The following R3HDM2 variants were observed in gnomAD, a reference collection of about 807,000 sequenced individuals.
R3HDM2 encodes the protein R3H domain containing 2, also known as R3H domain-containing protein 2.
R3HDM2 carries 38 observed loss-of-function variants against 124.5 expected under a neutral mutation model. The ratio of observed to expected loss-of-function variants is 0.31; its 90% CI spans 0.24 to 0.40. R3HDM2 has a LOEUF of 0.40. R3HDM2 is among the 10% of genes least tolerant of loss of function. R3HDM2 has a pLI of 1.00. For synonymous variants in R3HDM2, 391 were observed against 448.0 expected, an observed-to-expected ratio of 0.87 and a Z score of 1.61; for missense variants, 869 against 1,236.9, an observed-to-expected ratio of 0.70 and a Z score of 4.46.
chr12:57,398,258 T>A (rs925825247), intron 1 of R3HDM2, among the ~76,000 whole-genome samples: 11 of 152,124 alleles, frequency 7.2e-5, no homozygotes, highest in African/African-American at 2.7e-4. Context: ...TGTTCGTATC[T>A]GTACCTGCAA....
intron 2 of R3HDM2, among the ~76,000 whole-genome samples, chr12:57,333,061 T>A (rs142765991): frequency 6.6e-6 from 1 of 152,336 alleles, no homozygotes; most frequent in Admixed American, 6.5e-5. Flanking sequence ...TTACAAGATC[T>A]AGAGAGGGAA....
intron 14 of R3HDM2, among the ~76,000 whole-genome samples, chr12:57,273,323 GT>G (rs1163383986): frequency 9.2e-5 from 14 of 152,242 alleles, no homozygotes; most frequent in Non-Finnish European, 1.9e-4. Context: ...AGGAGGATTT[GT>G]TTACTAGGAA....
chr12:57,337,739 G>C (rs1417167914), intron 2 of R3HDM2, among the ~76,000 whole-genome samples: 1 of 152,068 alleles, frequency 6.6e-6, no homozygotes, highest in South Asian at 2.1e-4. Flanking sequence ...AGGACAAGAA[G>C]GTGCATGAAG....
intron 2 of R3HDM2, among the ~76,000 whole-genome samples, chr12:57,328,372 T>C (rs566253466): frequency 1.3e-4 from 20 of 151,888 alleles, no homozygotes; most frequent in African/African-American, 4.6e-4. Flanking sequence ...AGTTGTCTTA[T>C]CTTAAGAAAT....
intron 2 of R3HDM2, among the ~76,000 whole-genome samples, chr12:57,373,962 T>C (rs1187985778): frequency 6.6e-6 from 1 of 151,606 alleles, no homozygotes; most frequent in Non-Finnish European, 1.5e-5. Context: ...ACCCCGCCTC[T>C]ACTAAAAACA....
intron 2 of R3HDM2, among the ~76,000 whole-genome samples, chr12:57,384,220 G>C (rs907033162): frequency 6.6e-6 from 1 of 152,092 alleles, no homozygotes; most frequent in Non-Finnish European, 1.5e-5. Flanking sequence ...CGGGCACGGT[G>C]GTGGGCGCCT....
chr12:57,279,902 CTT>C (rs1431377530), intron 14 of R3HDM2, among the ~76,000 whole-genome samples: 1 of 152,018 alleles, frequency 6.6e-6, no homozygotes, highest in Non-Finnish European at 1.5e-5. Flanking sequence ...TGGAAGGGGT[CTT>C]GAGTGTTATT....
At chr12:57,261,106 G>A (rs1370736989) in intron 19 of R3HDM2, among the ~76,000 whole-genome samples, 1 of 152,134 alleles carries the variant, frequency 6.6e-6, no homozygotes, top group African/African-American at 2.4e-5. Flanking sequence ...GGAGTGTCAT[G>A]CATTTAACAA....
intron 2 of R3HDM2, among the ~76,000 whole-genome samples, chr12:57,324,978 A>G (rs1322837717): frequency 6.6e-6 from 1 of 152,242 alleles, no homozygotes; most frequent in East Asian, 1.9e-4. Flanking sequence ...CACCAGAGGC[A>G]TGGTGCCCAC....
intron 5 of R3HDM2, 83 bp from the exon 6 acceptor site, chr12:57,299,561 C>T: frequency 7.4e-7 from 1 of 1,353,176 alleles, no homozygotes. Context: ...GAAGGTAAAT[C>T]TTGGGGTGGC....
chr12:57,354,462 T>G (rs2061030335), intron 2 of R3HDM2, among the ~76,000 whole-genome samples: 1 of 151,696 alleles, frequency 6.6e-6, no homozygotes, highest in Non-Finnish European at 1.5e-5. Flanking sequence ...CCAGCTAATT[T>G]TTTGTATTTT....
intron 2 of R3HDM2, among the ~76,000 whole-genome samples, chr12:57,335,420 C>T (rs190633044): frequency 6.6e-6 from 1 of 150,892 alleles, no homozygotes; most frequent in Admixed American, 6.6e-5. Context: ...GTTGGCCAGG[C>T]TGGCCTCAAA....
chr12:57,255,104 C>T lies in R3HDM2; in HGVS notation c.2642G>A (p.Arg881Gln), dbSNP rs969367811. Residue 881 changes from arginine (R) to glutamine (Q), a missense_variant, in exon 24 of 24, where the codon CGG becomes CAG. Arg to Gln is a conservative substitution (Grantham distance 43). Around this residue, in one of 2 missense-constraint regions of R3HDM2, gnomAD observed 602 missense variants for 789.2 expected, o/e 0.76. Transcript: ENST00000402412. The part of the protein sequence containing the change: ...DLGTADVVLG[R>Q]VLEVTDLPEG... ...AGGGAGATCTGTCACCTCCAGCACC[C>T]GCCCCAGGACTGGAAGGGGAGGAGA... The T allele has an allele frequency of 1.1e-5, 18 of 1,582,126 alleles. No homozygotes were observed. The highest frequency in any genetic ancestry group is 2.2e-5 in the East Asian group (1 of 44,624).
In R3HDM2 at chr12:57,377,221, C is replaced by T. The variant is rs142845607; in HGVS notation, c.-36+18528G>A. On this transcript the variant is annotated intron_variant, in intron 2 of 23. Transcript: ENST00000402412. ...TAAAACCATGCCCCAAAAACTTAAACCAGTAACTAACAGAAAGTCTTGAGT... is the reference window on the plus strand; with the variant it reads ...TAAAACCATGCCCCAAAAACTTAAATCAGTAACTAACAGAAAGTCTTGAGT... Among the ~76,000 whole-genome samples, 28 of 151,400 alleles carry T rather than the reference C, an allele frequency of 1.8e-4. No individual in the cohort carries two copies. The East Asian group carries it at 5.2e-3, about 28-fold the overall frequency.
intron 4 of R3HDM2, among the ~76,000 whole-genome samples, chr12:57,300,663 T>C (rs1201584106): frequency 6.6e-6 from 1 of 152,194 alleles, no homozygotes; most frequent in Non-Finnish European, 1.5e-5. Flanking sequence ...TACCTAAAAT[T>C]ACCTAAAAAC....
chr12:57,378,304 A>G (rs1369049218), intron 2 of R3HDM2, among the ~76,000 whole-genome samples: 1 of 152,152 alleles, frequency 6.6e-6, no homozygotes, highest in African/African-American at 2.4e-5. Flanking sequence ...CAGATAAACT[A>G]TAATCAAGAG....
intron 13 of R3HDM2, among the ~76,000 whole-genome samples, chr12:57,282,497 C>T (rs550484237): frequency 1.3e-5 from 2 of 151,996 alleles, no homozygotes; most frequent in African/African-American, 4.8e-5. Flanking sequence ...CAAACTGGCT[C>T]TAAAAAGGGC....
intron 1 of R3HDM2, among the ~76,000 whole-genome samples, chr12:57,424,727 C>G (rs1208709499): frequency 6.6e-6 from 1 of 152,090 alleles, no homozygotes; most frequent in Non-Finnish European, 1.5e-5. Context: ...TTTTAAGAGA[C>G]AGGCTCTCAT....
At chr12:57,427,103 C>T (rs2070813683) in intron 1 of R3HDM2, among the ~76,000 whole-genome samples, 1 of 151,920 alleles carries the variant, frequency 6.6e-6, no homozygotes, top group Non-Finnish European at 1.5e-5. Context: ...CCAGCCTGAC[C>T]AACACGGTGA....
Sources: allele counts gnomAD v4.1 joint callset (sites outside exome capture counted in the v4.1 genomes callset), GRCh38; gene constraint gnomAD v4.1.1; regional missense constraint gnomAD v4.1.1; transcripts MANE v1.5; gene names NCBI Gene and HGNC (gene_info 2026-07-23, HGNC 2026-07-21).